Variants in MAP2 observed in about 807,000 individuals in gnomAD.
The protein encoded by MAP2 is microtubule-associated protein 2.
MAP2 carries 14 observed loss-of-function variants against 137.6 expected under a neutral mutation model. The ratio of observed to expected loss-of-function variants is 0.10; its 90% CI spans 0.07 to 0.16. The LOEUF (loss-of-function observed/expected upper bound fraction) is 0.16. Ranked by LOEUF, MAP2 falls within the 10% of genes least tolerant of loss-of-function variation. MAP2 has a pLI of 1.00. For synonymous variants in MAP2, 786 were observed against 782.3 expected, an observed-to-expected ratio of 1.00 and a Z score of -0.08; for missense variants, 2,088 against 2,191.5, an observed-to-expected ratio of 0.95 and a Z score of 0.94.
intron 1 of MAP2, among the ~76,000 whole-genome samples, chr2:209,493,802 T>C (rs2059415107): frequency 6.6e-6 from 1 of 152,090 alleles, no homozygotes; most frequent in Non-Finnish European, 1.5e-5. Flanking sequence ...GGAGAGGACA[T>C]AGAGAAATAG....
intron 2 of MAP2, among the ~76,000 whole-genome samples, chr2:209,573,690 AT>A (rs2074823242): frequency 6.6e-6 from 1 of 152,182 alleles, no homozygotes; most frequent in African/African-American, 2.4e-5. Context: ...TTTTTAATAT[AT>A]TCATAGAGTT....
At chr2:209,593,724 AT>A (rs1435373573) in intron 3 of MAP2, among the ~76,000 whole-genome samples, 48 of 56,482 alleles carry the variant, frequency 8.5e-4, no homozygotes, top group Middle Eastern at 7.2e-3. Context: ...TTATATATAA[AT>A]ATATAATATA....
chr2:209,645,221 A>G (rs568209071), intron 4 of MAP2, among the ~76,000 whole-genome samples: 26 of 152,354 alleles, frequency 1.7e-4, no homozygotes, highest in African/African-American at 6.0e-4. Flanking sequence ...GCAATAATAG[A>G]TGGAGGTCCA....
intron 4 of MAP2, among the ~76,000 whole-genome samples, chr2:209,638,769 A>G (rs769199691): frequency 4.8e-4 from 73 of 152,110 alleles, no homozygotes; most frequent in Non-Finnish European, 1.3e-4. Context: ...TGTTTTTTCA[A>G]ACACATCTGC....
chr2:209,722,842 C>G (rs1224719892), intron 13 of MAP2, among the ~76,000 whole-genome samples: 1 of 152,222 alleles, frequency 6.6e-6, no homozygotes. Context: ...TGACCTATGT[C>G]TGTATGACCT....
intron 10 of MAP2, among the ~76,000 whole-genome samples, chr2:209,697,497 C>G (rs1175801624): frequency 6.6e-6 from 1 of 151,732 alleles, no homozygotes; most frequent in African/African-American, 2.4e-5. Flanking sequence ...TGAAAACCAC[C>G]AAGAATGTGT....
chr2:209,614,134 C>A (rs904276557), intron 3 of MAP2, among the ~76,000 whole-genome samples: 9 of 152,062 alleles, frequency 5.9e-5, no homozygotes, highest in Admixed American at 5.2e-4. Flanking sequence ...GCCCCTCCTC[C>A]TGTGTTGATT....
In MAP2 at chr2:209,560,064, G is replaced by A. The variant is rs571784394; in HGVS notation, c.-171-19972G>A. On this transcript the variant is annotated intron_variant, in intron 2 of 15. Transcript: ENST00000682079. ...GTGTGCAGGGAATAAGTAGGAGGTA[G>A]GATATATGTGAGGGTGAAGGAAATA... Among the ~76,000 whole-genome samples the A allele has an allele frequency of 3.9e-5, 6 of 152,294 alleles. No individual in the cohort carries two copies. The South Asian group carries it at 1.0e-3, about 26-fold the overall frequency.
chr2:209,604,188 A>C (rs2083883452), intron 3 of MAP2, among the ~76,000 whole-genome samples: 1 of 152,148 alleles, frequency 6.6e-6, no homozygotes, highest in Non-Finnish European at 1.5e-5. Context: ...AGATTTTTAG[A>C]ATGTTTGCAT....
At chr2:209,572,159 G>A (rs1446385163) in intron 2 of MAP2, among the ~76,000 whole-genome samples, 1 of 151,846 alleles carries the variant, frequency 6.6e-6, no homozygotes, top group East Asian at 1.9e-4. Context: ...TCATAACTCA[G>A]AAGTATTAAA....
chr2:209,628,727 G>C (rs1305806855), intron 4 of MAP2, among the ~76,000 whole-genome samples: 2 of 152,118 alleles, frequency 1.3e-5, no homozygotes, highest in African/African-American at 4.8e-5. Context: ...ACATATACTG[G>C]CATCTTCTAC....
At chr2:209,647,446 A>T (rs570227416) in intron 4 of MAP2, among the ~76,000 whole-genome samples, 2 of 152,338 alleles carry the variant, frequency 1.3e-5, no homozygotes, top group African/African-American at 4.8e-5. Context: ...ACATGTGTTA[A>T]AAAGACGAGA....
chr2:209,559,824 A>G (rs551558284), intron 2 of MAP2, among the ~76,000 whole-genome samples: 335 of 149,258 alleles, frequency 2.2e-3, no homozygotes, highest in Middle Eastern at 3.4e-3. Context: ...AGTCAGCCAC[A>G]TTTTTTTTTC....
intron 1 of MAP2, among the ~76,000 whole-genome samples, chr2:209,445,078 G>T (rs182603175): frequency 2.6e-5 from 4 of 151,398 alleles, no homozygotes; most frequent in Non-Finnish European, 3.0e-5. Context: ...AAAAAATAAT[G>T]TATATGGATC....
chr2:209,469,354 G>A (rs933385684), intron 1 of MAP2, among the ~76,000 whole-genome samples: 2 of 152,006 alleles, frequency 1.3e-5, no homozygotes, highest in Admixed American at 6.6e-5. Flanking sequence ...GACAGATTCC[G>A]TGCCTTCCGC....
Position 209,708,751 on chromosome 2 carries a change from A to G in MAP2, c.4733-1163A>G, listed in dbSNP as rs1186526355. Among the ~76,000 whole-genome samples the G allele has an allele frequency of 3.3e-5, 5 of 152,318 alleles. No homozygotes were observed. In the East Asian group the frequency reaches 5.8e-4, roughly 18 times the overall value. On this transcript the variant is annotated intron_variant, in intron 12 of 15. Transcript: ENST00000682079. ...AAAAAATGAAAATTATCCCTTTTCT[A>G]TAAAATATGTTATAAATGAAATTTG...
intron 11 of MAP2, among the ~76,000 whole-genome samples, chr2:209,703,767 CCTT>C (rs1489204274): frequency 6.6e-6 from 1 of 152,068 alleles, no homozygotes; most frequent in Non-Finnish European, 1.5e-5. Context: ...TTTCTTCTGT[CCTT>C]CTATCTATCC....
intron 2 of MAP2, among the ~76,000 whole-genome samples, chr2:209,524,382 A>G (rs1180971203): frequency 1.3e-5 from 2 of 151,992 alleles, no homozygotes; most frequent in Non-Finnish European, 2.9e-5. Context: ...GTTTTCAACA[A>G]TTAAGCAATA....
At chr2:209,428,076 A>C (rs1693063256) in intron 1 of MAP2, among the ~76,000 whole-genome samples, 1 of 152,226 alleles carries the variant, frequency 6.6e-6, no homozygotes, top group Admixed American at 6.5e-5. Context: ...AAGGAGTTTT[A>C]CAGTGAATTA....
Sources: gnomAD v4.1 joint callset for allele counts (sites outside exome capture counted in the v4.1 genomes callset) on GRCh38, gnomAD v4.1.1 for gene constraint, MANE v1.5 for transcripts, NCBI Gene and HGNC (gene_info 2026-07-23, HGNC 2026-07-21) for gene names.